Variants in SLC16A7 observed in about 807,000 individuals in gnomAD.
SLC16A7 encodes solute carrier family 16 member 7.
In SLC16A7, 33 loss-of-function variants were observed where a neutral mutation model predicts 34.9. That is an observed-to-expected ratio of 0.94 (90% CI 0.72 to 1.26). The LOEUF is 1.26. Ranked by LOEUF, SLC16A7 falls within the 50% of genes most tolerant of loss-of-function variation. The pLI, the probability that SLC16A7 is intolerant of heterozygous loss-of-function variation, is 0.00. For missense variants in SLC16A7, 573 were observed against 578.1 expected, an observed-to-expected ratio of 0.99 and a Z score of 0.09; for synonymous variants, 201 against 206.6, an observed-to-expected ratio of 0.97 and a Z score of 0.23.
intron 3 of SLC16A7, among the ~76,000 whole-genome samples, chr12:59,706,682 G>A (rs577077880): frequency 2.0e-5 from 3 of 152,246 alleles, no homozygotes; most frequent in African/African-American, 4.8e-5. Flanking sequence ...TGGGACAGGT[G>A]TTGTTTAATA....
At chr12:59,666,445 G>A (rs538695607) in intron 2 of SLC16A7, among the ~76,000 whole-genome samples, 1 of 152,242 alleles carries the variant, frequency 6.6e-6, no homozygotes, top group African/African-American at 2.4e-5. Context: ...TTAGAGAAGA[G>A]AGTAATATGG....
chr12:59,771,182 A>G (rs1225476522), intron 3 of SLC16A7, 37 bp from the exon 4 acceptor site: 1 of 1,575,314 alleles, frequency 6.3e-7, no homozygotes, highest in South Asian at 1.2e-5. Context: ...AAATGACAAG[A>G]GCAACTGAGT....
chr12:59,660,241 G>A (rs1460122497), intron 2 of SLC16A7, among the ~76,000 whole-genome samples: 1 of 151,772 alleles, frequency 6.6e-6, no homozygotes, highest in Admixed American at 6.6e-5. Flanking sequence ...TAGTGAACAG[G>A]CTGAGGCCTT....
At chr12:59,727,801 G>T (rs967151301) in intron 3 of SLC16A7, among the ~76,000 whole-genome samples, 1 of 148,138 alleles carries the variant, frequency 6.8e-6, no homozygotes, top group African/African-American at 2.6e-5. Context: ...CATTTTAATT[G>T]TGTTGGGGGG....
chr12:59,713,905 A>C (rs1388711996), intron 3 of SLC16A7, among the ~76,000 whole-genome samples: 2 of 152,244 alleles, frequency 1.3e-5, no homozygotes, highest in Non-Finnish European at 2.9e-5. Flanking sequence ...CAGCGAGCCA[A>C]CAGACACAGG....
intron 3 of SLC16A7, among the ~76,000 whole-genome samples, chr12:59,754,878 A>G (rs1880103751): frequency 6.6e-6 from 1 of 152,158 alleles, no homozygotes; most frequent in Non-Finnish European, 1.5e-5. Context: ...GGCAAAACGA[A>G]TCCACCAGCA....
At chr12:59,748,898 G>A (rs757613715) in intron 3 of SLC16A7, among the ~76,000 whole-genome samples, 2 of 152,106 alleles carry the variant, frequency 1.3e-5, no homozygotes, top group South Asian at 4.1e-4. Flanking sequence ...TAAATCCAGA[G>A]TATTTAATAC....
intron 1 of SLC16A7, among the ~76,000 whole-genome samples, chr12:59,607,169 A>G (rs1878985939): frequency 1.3e-5 from 2 of 152,276 alleles, no homozygotes; most frequent in South Asian, 2.1e-4. Context: ...AAAAAAAATT[A>G]TTAAATCCTG....
At chr12:59,743,384 A>G (rs1375908764) in intron 3 of SLC16A7, among the ~76,000 whole-genome samples, 3 of 152,258 alleles carry the variant, frequency 2.0e-5, no homozygotes, top group Non-Finnish European at 4.4e-5. Context: ...ATAATTTGCC[A>G]TCTCTAAATT....
intron 3 of SLC16A7, among the ~76,000 whole-genome samples, chr12:59,748,453 A>G (rs1188419112): frequency 2.0e-5 from 3 of 152,172 alleles, no homozygotes; most frequent in Admixed American, 6.5e-5. Context: ...ACTTATCTCT[A>G]TGTGAGCGGT....
rs1489121109 is a variant in SLC16A7 at position 59,783,535 on chromosome 12, G to C, written c.*3856G>C. On this transcript the variant is annotated 3_prime_UTR_variant, in exon 6 of 6. Transcript: ENST00000547379. ...GAAGATAAAATATAGGTACAAAAAA[G>C]ATACATCCTATATAGTAAAACAATT... 1 of 152,026 alleles carries C rather than the reference G, an allele frequency of 6.6e-6. No individual in the cohort carries two copies. Among genetic ancestry groups the C allele is most frequent in the Non-Finnish European group, 1.5e-5 (1 of 67,996 alleles). The allele number at this position is 152,026 out of a possible 1,614,324, so 9.4% of individuals were successfully genotyped here. A position where few individuals can be genotyped will look rare whatever the true frequency, so the allele number is the denominator to read the frequency against.
At chr12:59,660,514 G>A (rs1868789020) in intron 2 of SLC16A7, among the ~76,000 whole-genome samples, 1 of 150,280 alleles carries the variant, frequency 6.7e-6, no homozygotes, top group South Asian at 2.1e-4. Flanking sequence ...ATCCCAGCCT[G>A]GACAACATAG....
intron 3 of SLC16A7, among the ~76,000 whole-genome samples, chr12:59,733,181 C>T (rs908547382): frequency 2.0e-5 from 3 of 152,194 alleles, no homozygotes; most frequent in Admixed American, 6.5e-5. Flanking sequence ...TGACCAGCGG[C>T]GCCTTTGTCC....
At chr12:59,713,385 G>C (rs775544893) in intron 3 of SLC16A7, among the ~76,000 whole-genome samples, 4 of 152,080 alleles carry the variant, frequency 2.6e-5, no homozygotes, top group Non-Finnish European at 1.5e-5. Context: ...AACATATTAG[G>C]ATTGAAGAAT....
At chr12:59,623,694 T>C (rs1005031938) in intron 1 of SLC16A7, among the ~76,000 whole-genome samples, 4 of 151,742 alleles carry the variant, frequency 2.6e-5, no homozygotes, top group Non-Finnish European at 4.4e-5. Flanking sequence ...TGATAGTTTA[T>C]CTGTAATGTA....
intron 2 of SLC16A7, among the ~76,000 whole-genome samples, chr12:59,669,681 C>CACACACACACACACACACACGATTT (rs1555167276): frequency 1.1e-4 from 17 of 151,884 alleles, no homozygotes; most frequent in Non-Finnish European, 2.4e-4. Context: ...CACACACACA[C>CACACACACACACACACACACGATTT]ACACGATTTA....
At chr12:59,642,250 A>C (rs547198542) in intron 1 of SLC16A7, among the ~76,000 whole-genome samples, 3 of 151,958 alleles carry the variant, frequency 2.0e-5, no homozygotes, top group African/African-American at 7.2e-5. Context: ...CCTTACCTAT[A>C]GTCCTGTTAG....
Position 59,784,480 on chromosome 12 carries a change from T to G in SLC16A7, c.*4801T>G, listed in dbSNP as rs776639133. On this transcript the variant is annotated 3_prime_UTR_variant, in exon 6 of 6. Coordinates refer to ENST00000547379, the MANE Select transcript of SLC16A7 (RefSeq NM_001270623.2). ...AGCTACCAAAAAAAAGATTATAAGA[T>G]ACAAATGATTTGGTTTACCCATACA... 6.6e-6 allele frequency: 1 copy of G among 152,208 alleles called. No homozygotes were observed. Among genetic ancestry groups the G allele is most frequent in the Non-Finnish European group, 1.5e-5 (1 of 68,030 alleles). 9.4% of individuals were successfully genotyped at this position (152,208 alleles called of 1,614,324 possible).
At chr12:59,744,400 A>T (rs2137296734) in intron 3 of SLC16A7, among the ~76,000 whole-genome samples, 1 of 152,258 alleles carries the variant, frequency 6.6e-6, no homozygotes, top group East Asian at 1.9e-4. Flanking sequence ...TTCAAAGAGG[A>T]GTCCAGCGGG....
Sources: allele counts gnomAD v4.1 joint callset (sites outside exome capture counted in the v4.1 genomes callset), GRCh38; gene constraint gnomAD v4.1.1; transcripts MANE v1.5; gene names NCBI Gene and HGNC (gene_info 2026-07-23, HGNC 2026-07-21).